NAT10: variants seen among roughly 807,000 people sequenced by gnomAD.
The protein encoded by NAT10 is N-acetyltransferase 10.
A neutral mutation model predicts 132.2 loss-of-function variants in NAT10; 109 were observed. That is an observed-to-expected ratio of 0.82 (90% CI 0.71 to 0.97). The LOEUF (loss-of-function observed/expected upper bound fraction) is 0.97, where lower values mean the gene tolerates loss of function less well. Among genes scored for constraint, NAT10 ranks in the 50% least tolerant of loss-of-function variants. The pLI is 0.00. For missense variants in NAT10, 1,184 were observed against 1,263.4 expected, an observed-to-expected ratio of 0.94 and a Z score of 0.95; for synonymous variants, 479 against 478.0, an observed-to-expected ratio of 1.00 and a Z score of -0.03.
chr11:34,144,142 A>G (rs901997216), intron 28 of NAT10, among the ~76,000 whole-genome samples: 5 of 152,152 alleles, frequency 3.3e-5, no homozygotes, highest in African/African-American at 1.2e-4. Flanking sequence ...CCATATTAGA[A>G]ATGAAAAACT....
intron 16 of NAT10, among the ~76,000 whole-genome samples, chr11:34,133,394 T>C (rs1852142409): frequency 6.6e-6 from 1 of 152,206 alleles, no homozygotes; most frequent in Non-Finnish European, 1.5e-5. Flanking sequence ...GACTCACAGC[T>C]TCTTCCACAA....
At chr11:34,114,798 C>T in intron 5 of NAT10, among the ~76,000 whole-genome samples, 1 of 152,336 alleles carries the variant, frequency 6.6e-6, no homozygotes, top group East Asian at 1.9e-4. Context: ...TTCTTCAAAG[C>T]ACTTGACAAT....
At chr11:34,137,142 G>C in intron 21 of NAT10, 116 bp downstream of exon 21, 2 of 1,151,378 alleles carry the variant, frequency 1.7e-6, no homozygotes, top group Non-Finnish European at 1.3e-6. Flanking sequence ...GCAGGTGGCT[G>C]TGCCTCTGAA....
chr11:34,132,926 G>T, intron 15 of NAT10, 100 bp from the exon 16 acceptor site: 1 of 910,482 alleles, frequency 1.1e-6, no homozygotes, highest in South Asian at 1.4e-5. Flanking sequence ...TGGCTTTGGA[G>T]AAGGCCATAC....
At chr11:34,136,579 T>A in intron 19 of NAT10, 63 bp from the exon 20 acceptor site, 1 of 1,601,444 alleles carries the variant, frequency 6.2e-7, no homozygotes, top group Non-Finnish European at 8.5e-7. Flanking sequence ...TGCGGCAGGG[T>A]GCTTGACGAT....
At chr11:34,145,145 T>C (rs997349248) in intron 28 of NAT10, among the ~76,000 whole-genome samples, 3 of 152,214 alleles carry the variant, frequency 2.0e-5, no homozygotes, top group African/African-American at 7.2e-5. Flanking sequence ...CCGGGGAGCA[T>C]GCTTGCTGTG....
intron 10 of NAT10, 113 bp from the exon 11 acceptor site, chr11:34,124,189 T>TA (rs1266532869): frequency 1.1e-5 from 8 of 704,286 alleles, no homozygotes; most frequent in Non-Finnish European, 1.9e-5. Context: ...TTTATTTTGA[T>TA]ACAGTGCTGG....
rs536905524 is a variant in NAT10 at position 34,127,741 on chromosome 11, T to C, written c.1244+142T>C. 44 of 1,047,202 alleles carry C rather than the reference T, an allele frequency of 4.2e-5. 1 individual carries two copies. In the South Asian group the frequency reaches 7.2e-4, roughly 17 times the overall value. The allele number at this position is 1,047,202 out of a possible 1,614,324, so 64.9% of individuals were successfully genotyped here. A position where few individuals can be genotyped will look rare whatever the true frequency, so the allele number is the denominator to read the frequency against. ...TGTTTGAGGCTGCTTCATTCTCTAC[T>C]GGGCTTCTGCAAATGGAAACTGGTC... On this transcript the variant is annotated intron_variant, in intron 12 of 28. Coordinates refer to ENST00000257829, the MANE Select transcript of NAT10 (RefSeq NM_024662.3).
At chr11:34,131,046 C>A in intron 13 of NAT10, 109 bp downstream of exon 13, 1 of 1,497,446 alleles carries the variant, frequency 6.7e-7, no homozygotes, top group Non-Finnish European at 9.1e-7. Flanking sequence ...TTCCCACCAT[C>A]AGGCTGAGAG....
Position 34,133,145 on chromosome 11 carries a change from A to G in NAT10, c.1734+3A>G, listed in dbSNP as rs1208260536. 1.2e-6 allele frequency: 2 copies of G among 1,605,272 alleles called. No individual in the cohort carries two copies. Among genetic ancestry groups the G allele is most frequent in the South Asian group, 2.2e-5 (2 of 90,898 alleles). On this transcript the variant is annotated splice_donor_region_variant and intron_variant, in intron 16 of 28. Transcript: ENST00000257829. ...CAGAAGTGCTTGCTGTTATCCAGGT[A>G]TAGGAGCAGAGGCGTCCTTGTGGCA... is the stretch of plus-strand genomic sequence containing the variant.
chr11:34,139,618 G>A (rs1852285230), intron 23 of NAT10, 123 bp downstream of exon 23: 3 of 804,032 alleles, frequency 3.7e-6, no homozygotes, highest in South Asian at 1.6e-5. Context: ...GCAGTCACTC[G>A]CTGGTCACCA....
chr11:34,129,861 G>A (rs1371203571), intron 12 of NAT10, among the ~76,000 whole-genome samples: 1 of 151,680 alleles, frequency 6.6e-6, no homozygotes, highest in Non-Finnish European at 1.5e-5. Context: ...TACCCGCCTC[G>A]GCCTCCCAAA....
intron 11 of NAT10, among the ~76,000 whole-genome samples, chr11:34,127,024 T>A (rs983395520): frequency 3.3e-5 from 5 of 152,180 alleles, no homozygotes; most frequent in Admixed American, 2.0e-4. Context: ...TGCCTCGAGC[T>A]CATCGGCTTT....
rs1852229243 is a variant in NAT10, at chr11:34,136,975, C to T, written c.2163-3C>T. On this transcript the variant is annotated splice_region_variant and splice_polypyrimidine_tract_variant and intron_variant, in intron 20 of 28. Coordinates refer to ENST00000257829, the MANE Select transcript of NAT10 (RefSeq NM_024662.3). ...GTGACCTACTGTCTTTGTATCTTTGCAGGTTCTGGAAACGAGCTGGATTTG... is the reference window on the plus strand; with the variant it reads ...GTGACCTACTGTCTTTGTATCTTTGTAGGTTCTGGAAACGAGCTGGATTTG... 1 of 1,614,070 alleles carries T rather than the reference C, an allele frequency of 6.2e-7. No individual in the cohort carries two copies. Among genetic ancestry groups the T allele is most frequent in the Admixed American group, 1.7e-5 (1 of 60,000 alleles).
chr11:34,112,610 C>G (rs1851714825), intron 4 of NAT10, among the ~76,000 whole-genome samples: 2 of 152,208 alleles, frequency 1.3e-5, no homozygotes, highest in Admixed American at 6.5e-5. Flanking sequence ...CGGATATAGA[C>G]CAATGCACTT....
At chr11:34,137,596 C>G (rs1038272008) in intron 21 of NAT10, among the ~76,000 whole-genome samples, 1 of 152,196 alleles carries the variant, frequency 6.6e-6, no homozygotes, top group African/African-American at 2.4e-5. Flanking sequence ...GCACGGAGCT[C>G]TTGTCTGTTG....
chr11:34,117,988 G>C (rs1851813621), intron 6 of NAT10, among the ~76,000 whole-genome samples, 192 bp from the exon 7 acceptor site: 1 of 152,152 alleles, frequency 6.6e-6, no homozygotes, highest in African/African-American at 2.4e-5. Flanking sequence ...CTGATTTGCT[G>C]TATAAAGTAT....
Position 34,118,520 on chromosome 11 carries a change from G to A in NAT10, c.780+17G>A, listed in dbSNP as rs781654120. ...CTAGACCAGGTGAGTGTGGTGCTCA[G>A]CACTTCCAACACAAAGGTAGTAAAA... On this transcript the variant is annotated intron_variant, in intron 8 of 28. Coordinates refer to ENST00000257829, the MANE Select transcript of NAT10 (RefSeq NM_024662.3). The A allele has an allele frequency of 2.5e-6, 4 of 1,598,526 alleles. No homozygotes were observed. Among genetic ancestry groups the A allele is most frequent in the South Asian group, 2.2e-5 (2 of 89,878 alleles).
intron 4 of NAT10, 141 bp downstream of exon 4, chr11:34,112,364 C>A: frequency 1.0e-6 from 1 of 1,003,412 alleles, no homozygotes; most frequent in Non-Finnish European, 1.4e-6. Context: ...TAGTGGAAGT[C>A]CTGGCCACTT....
Sources: allele counts gnomAD v4.1 joint callset (sites outside exome capture counted in the v4.1 genomes callset), GRCh38; gene constraint gnomAD v4.1.1; transcripts MANE v1.5; gene names NCBI Gene and HGNC (gene_info 2026-07-23, HGNC 2026-07-21).